AFF2: variants seen among roughly 807,000 people sequenced by gnomAD.
The protein encoded by AFF2 is ALF transcription elongation factor 2, also known as AF4/FMR2 family member 2.
AFF2 carries 14 observed loss-of-function variants against 76.9 expected under a neutral mutation model. The ratio of observed to expected loss-of-function variants is 0.18; its 90% CI spans 0.12 to 0.28. The LOEUF (loss-of-function observed/expected upper bound fraction) is 0.28, where lower values mean the gene tolerates loss of function less well. Ranked by LOEUF, AFF2 falls within the 10% of genes least tolerant of loss-of-function variation. AFF2 has a pLI of 1.00. For synonymous variants in AFF2, 398 were observed against 366.7 expected, an observed-to-expected ratio of 1.09 and a Z score of -0.98; for missense variants, 868 against 1,001.1, an observed-to-expected ratio of 0.87 and a Z score of 1.79.
chrX:148,929,875 C>A (rs1557284208), intron 9 of AFF2, among the ~76,000 whole-genome samples: 1 of 111,719 alleles, frequency 9.0e-6, no homozygotes, highest in African/African-American at 3.3e-5. Context: ...GGTGGGCATC[C>A]ACTACTTGCT....
intron 1 of AFF2, among the ~76,000 whole-genome samples, chrX:148,591,241 T>C (rs1327705829): frequency 8.9e-6 from 1 of 111,907 alleles, no homozygotes; most frequent in Non-Finnish European, 1.9e-5. Context: ...ATCATAATCA[T>C]GTGAAATTTC....
At chrX:148,983,965 A>AC (rs2072429950) in intron 19 of AFF2, among the ~76,000 whole-genome samples, 1 of 99,781 alleles carries the variant, frequency 1.0e-5, no homozygotes, top group African/African-American at 3.9e-5. Flanking sequence ...AAAAAAAAAA[A>AC]AAACTGCCCT....
intron 4 of AFF2, among the ~76,000 whole-genome samples, chrX:148,831,226 G>C (rs1158508823): frequency 1.8e-5 from 2 of 111,361 alleles, no homozygotes; most frequent in Non-Finnish European, 3.8e-5. Flanking sequence ...CTCAGTTAAC[G>C]CAATCATCAC....
At chrX:148,561,247 A>G (rs782055617) in intron 1 of AFF2, among the ~76,000 whole-genome samples, 30 of 112,175 alleles carry the variant, frequency 2.7e-4, no homozygotes, top group African/African-American at 9.7e-4. Flanking sequence ...CATTTCAACA[A>G]TTTTCCTAAA....
At chrX:148,709,597 G>C (rs2054935389) in intron 3 of AFF2, among the ~76,000 whole-genome samples, 1 of 112,089 alleles carries the variant, frequency 8.9e-6, no homozygotes, top group African/African-American at 3.2e-5. Flanking sequence ...AAATATTACG[G>C]TGTAAAGTAC....
At chrX:148,973,358 G>C in intron 15 of AFF2, 113 bp from the exon 16 acceptor site, 1 of 958,370 alleles carries the variant, frequency 1.0e-6, no homozygotes, top group Admixed American at 2.4e-5. Context: ...TCCAGACATT[G>C]CCAAATGTTC....
intron 7 of AFF2, among the ~76,000 whole-genome samples, chrX:148,860,695 G>C (rs781846185): frequency 8.9e-6 from 1 of 111,781 alleles, no homozygotes; most frequent in Non-Finnish European, 1.9e-5. Flanking sequence ...GTTAGGGTGA[G>C]GGTGAAACCA....
intron 8 of AFF2, among the ~76,000 whole-genome samples, chrX:148,897,876 A>G (rs1452446551): frequency 9.0e-6 from 1 of 111,418 alleles, no homozygotes. Flanking sequence ...CCTGACTGGG[A>G]AAAAATAAAC....
intron 8 of AFF2, among the ~76,000 whole-genome samples, chrX:148,886,520 C>G (rs2071162342): frequency 8.9e-6 from 1 of 112,117 alleles, no homozygotes; most frequent in Admixed American, 9.4e-5. Context: ...ATCCTTCTAT[C>G]CCACATTTTA....
chrX:148,790,245 G>A (rs1338636363), intron 3 of AFF2, among the ~76,000 whole-genome samples: 1 of 111,714 alleles, frequency 9.0e-6, no homozygotes, highest in Non-Finnish European at 1.9e-5. Flanking sequence ...TGGTGGGAAT[G>A]TGTATTTTTT....
intron 3 of AFF2, among the ~76,000 whole-genome samples, chrX:148,702,858 TG>T (rs2054820062): frequency 8.9e-6 from 1 of 112,376 alleles, no homozygotes; most frequent in African/African-American, 3.2e-5. Flanking sequence ...GATTTTAGCT[TG>T]TTTGTACAGC....
chrX:148,716,719 A>T (rs1557263390), intron 3 of AFF2, among the ~76,000 whole-genome samples: 1 of 111,486 alleles, frequency 9.0e-6, no homozygotes, highest in African/African-American at 3.3e-5. Flanking sequence ...ACTCTTACAT[A>T]GGAATAGTGA....
At chrX:148,787,200 T>A (rs12841898) in intron 3 of AFF2, among the ~76,000 whole-genome samples, 1 of 111,671 alleles carries the variant, frequency 9.0e-6, no homozygotes, top group African/African-American at 3.3e-5. Flanking sequence ...CCTTTCATGG[T>A]TTTTTACCTA....
In AFF2 at chrX:148,762,420, T is replaced by TATATATATAC. The variant is rs1225408056; in HGVS notation, c.1042-47455_1042-47454insTATATATACA. Among the ~76,000 whole-genome samples the TATATATATAC allele has an allele frequency of 4.3e-4, 43 of 101,128 alleles. 1 individual carries two copies. The highest frequency in any genetic ancestry group is 1.7e-3 in the African/African-American group (39 of 22,383). The allele number at this position is 101,128 out of a possible 115,157, so 87.8% of individuals were successfully genotyped here. A position where few individuals can be genotyped will look rare whatever the true frequency, so the allele number is the denominator to read the frequency against. ...AGTAGTATTCTATGGTATATATATA[T>TATATATATAC]ACACATGCACACATATATATGCTTA... On this transcript the variant is annotated intron_variant, in intron 3 of 20. Transcript: ENST00000370460.
At chrX:148,875,170 G>C (rs1404051245) in intron 7 of AFF2, among the ~76,000 whole-genome samples, 1 of 111,832 alleles carries the variant, frequency 8.9e-6, no homozygotes, top group Non-Finnish European at 1.9e-5. Context: ...CTGTTACTTA[G>C]GGAAAATATA....
At position 148,668,585 on chromosome X, in the gene AFF2, C is replaced by G. The variant is rs1603272563; in HGVS notation, c.1041+5817C>G. 4.4e-5 allele frequency among the ~76,000 whole-genome samples: 5 copies of G among 112,739 alleles called. No individual in the cohort carries two copies. In the South Asian group the frequency reaches 1.8e-3, roughly 41 times the overall value. ...CTTGACTTCTCTGCACCTGCAGGCT[C>G]AACAGCATGTGGAAGCTGCCAAGAT... On this transcript the variant is annotated intron_variant, in intron 3 of 20. Coordinates refer to ENST00000370460, the MANE Select transcript of AFF2 (RefSeq NM_002025.4).
chrX:148,913,011 C>A (rs782337603), intron 9 of AFF2, among the ~76,000 whole-genome samples: 3 of 113,304 alleles, frequency 2.6e-5, no homozygotes, highest in Non-Finnish European at 5.6e-5. Flanking sequence ...TAACATCTCT[C>A]TCTAAATAGC....
chrX:148,958,326 C>T lies in AFF2; in HGVS notation c.2569-11C>T, dbSNP rs1557287599. 8.3e-7 allele frequency: 1 copy of T among 1,207,206 alleles called. No homozygotes were observed. The highest frequency in any genetic ancestry group is 3.0e-5 in the East Asian group (1 of 33,763). The stretch of plus-strand genomic sequence containing the variant: ...CATTTCAAGCTCTGTGTATTTTTTT[C>T]CCTGTTAAAGCCAATAGAAGTTGCA... On this transcript the variant is annotated splice_polypyrimidine_tract_variant and intron_variant, in intron 11 of 20. Coordinates refer to ENST00000370460, the MANE Select transcript of AFF2 (RefSeq NM_002025.4).
At chrX:148,654,282 G>T (rs1460558999) in intron 2 of AFF2, among the ~76,000 whole-genome samples, 2 of 111,702 alleles carry the variant, frequency 1.8e-5, no homozygotes, top group African/African-American at 6.5e-5. Flanking sequence ...TTTGGATTTG[G>T]CAGTTAAGGA....
Sources: gnomAD v4.1 joint callset for allele counts (sites outside exome capture counted in the v4.1 genomes callset) on GRCh38, gnomAD v4.1.1 for gene constraint, MANE v1.5 for transcripts, NCBI Gene and HGNC (gene_info 2026-07-23, HGNC 2026-07-21) for gene names.